The following PCDHGA1 variants were observed in gnomAD, a reference collection of about 807,000 sequenced individuals.
PCDHGA1 encodes protocadherin gamma subfamily A, 1.
In PCDHGA1, 32 loss-of-function variants were observed where a neutral mutation model predicts 58.0. The ratio of observed to expected loss-of-function variants is 0.55; its 90% CI spans 0.42 to 0.74. The LOEUF (loss-of-function observed/expected upper bound fraction) is 0.74. Ranked by LOEUF, PCDHGA1 falls within the 30% of genes least tolerant of loss-of-function variation. The pLI, the probability that PCDHGA1 is intolerant of heterozygous loss-of-function variation, is 0.00. For synonymous variants in PCDHGA1, 498 were observed against 501.1 expected, an observed-to-expected ratio of 0.99 and a Z score of 0.08; for missense variants, 1,205 against 1,182.3, an observed-to-expected ratio of 1.02 and a Z score of -0.28.
At chr5:141,348,033 C>T (rs1758053095) in intron 1 of PCDHGA1, among the ~76,000 whole-genome samples, 2 of 152,198 alleles carry the variant, frequency 1.3e-5, no homozygotes, top group Non-Finnish European at 2.9e-5. Flanking sequence ...TCTCTTCCAA[C>T]AATGGAATAG....
rs1243958567 is a variant in PCDHGA1, at chr5:141,418,557, T to C, written c.2422-76250T>C. 4.3e-6 allele frequency: 7 copies of C among 1,613,860 alleles called. No homozygotes were observed. The East Asian group carries it at 1.6e-4, about 36-fold the overall frequency. On this transcript the variant is annotated intron_variant, in intron 1 of 3. Coordinates refer to ENST00000517417, the MANE Select transcript of PCDHGA1 (RefSeq NM_018912.3). ...ACTGCTCAGATAAGAATCCTGGTAA[T>C]AGATGCCAATGACAACCCCCCAGTG... is the stretch of plus-strand genomic sequence containing the variant.
rs769671283 is a variant in PCDHGA1, at chr5:141,511,391, C to A, written c.*218C>A. 1 of 1,079,748 alleles carries A rather than the reference C, an allele frequency of 9.3e-7. No homozygotes were observed. The allele number at this position is 1,079,748 out of a possible 1,614,324, so 66.9% of individuals were successfully genotyped here. On this transcript the variant is annotated 3_prime_UTR_variant, in exon 4 of 4. Transcript: ENST00000517417. ...TGCAAAAGCAGTTCCGCTGGGAACC[C>A]CCATCCAATCAACTGCTGTACCCAT...
At chr5:141,384,434 G>A in intron 1 of PCDHGA1, 1 of 1,614,024 alleles carries the variant, frequency 6.2e-7, no homozygotes, top group Non-Finnish European at 8.5e-7. Flanking sequence ...TCTGACACTG[G>A]AGTCCTGTAC....
chr5:141,365,310 T>C (rs1471610081), intron 1 of PCDHGA1: 1 of 1,613,896 alleles, frequency 6.2e-7, no homozygotes, highest in Admixed American at 1.7e-5. Flanking sequence ...GGAGGCGCTC[T>C]TGTTGCCAGC....
intron 1 of PCDHGA1, chr5:141,341,036 C>G (rs1429228660): frequency 6.2e-7 from 1 of 1,614,020 alleles, no homozygotes; most frequent in Non-Finnish European, 8.5e-7. Flanking sequence ...CGATTCGGAC[C>G]TCACTCTGTA....
intron 1 of PCDHGA1, chr5:141,478,121 G>A (rs1393103666): frequency 1.2e-6 from 2 of 1,613,918 alleles, no homozygotes; most frequent in South Asian, 1.1e-5. Flanking sequence ...AGTAACCGAG[G>A]ACTCTCCTGA....
intron 1 of PCDHGA1, chr5:141,404,403 A>C (rs767148207): frequency 6.2e-7 from 1 of 1,613,896 alleles, no homozygotes; most frequent in Admixed American, 1.7e-5. Context: ...AGCAATGAGA[A>C]TTCTAGAGTT....
At position 141,333,050 on chromosome 5, in the gene PCDHGA1, G is replaced by T; in HGVS notation, c.2366G>T (p.Gly789Val). The T allele has an allele frequency of 5.0e-6, 8 of 1,614,104 alleles. No individual in the cohort carries two copies. The highest frequency in any genetic ancestry group is 1.1e-5 in the South Asian group (1 of 91,090). Residue 789 changes from glycine to valine, a missense_variant, in exon 1 of 4, where the codon GGT becomes GTT. Transcript: ENST00000517417. Reference protein sequence around the residue: ...LISQESCEKKGFLSAPQSLLE... With the variant: ...LISQESCEKKVFLSAPQSLLE... Reference sequence around the variant, plus strand: ...AGCCAGGAGAGCTGTGAGAAAAAGGGTTTTCTATCAGCACCCCAGTCTTTA... The same window carrying T: ...AGCCAGGAGAGCTGTGAGAAAAAGGTTTTTCTATCAGCACCCCAGTCTTTA...
chr5:141,361,403 C>G (rs376882541), intron 1 of PCDHGA1: 10 of 1,613,932 alleles, frequency 6.2e-6, no homozygotes, highest in Non-Finnish European at 7.6e-6. Context: ...CTCACCATCA[C>G]AGCCACCGAC....
At position 141,388,975 on chromosome 5, in the gene PCDHGA1, T is replaced by C. The variant is rs1293529479; in HGVS notation, c.2421+55870T>C. The C allele has an allele frequency of 6.8e-6, 11 of 1,613,888 alleles. No homozygotes were observed. The highest frequency in any genetic ancestry group is 8.5e-6 in the Non-Finnish European group (10 of 1,179,894). On this transcript the variant is annotated intron_variant, in intron 1 of 3. Transcript: ENST00000517417. ...GAGGACGCCGAGCTGGGAACACATATTGCTTTGCTCAAAGTCCGTGACAAG... is the reference window on the plus strand; with the variant it reads ...GAGGACGCCGAGCTGGGAACACATACTGCTTTGCTCAAAGTCCGTGACAAG...
chr5:141,502,866 CTT>C (rs549047197), intron 2 of PCDHGA1, among the ~76,000 whole-genome samples: 3 of 127,996 alleles, frequency 2.3e-5, no homozygotes, highest in Admixed American at 8.6e-5. Flanking sequence ...GACTCTCTGT[CTT>C]TTTTTTTTTT....
At chr5:141,343,673 C>T (rs554073712) in intron 1 of PCDHGA1, among the ~76,000 whole-genome samples, 33 of 152,222 alleles carry the variant, frequency 2.2e-4, no homozygotes, top group Non-Finnish European at 4.1e-4. Flanking sequence ...CAATTATGTT[C>T]AATCAACACT....
At chr5:141,366,013 G>T (rs1764261730) in intron 1 of PCDHGA1, 5 of 1,614,102 alleles carry the variant, frequency 3.1e-6, no homozygotes, top group Non-Finnish European at 4.2e-6. Flanking sequence ...ATACGCCTGA[G>T]ATCCTGTACC....
At chr5:141,375,666 T>C (rs1771733109) in intron 1 of PCDHGA1, 1 of 1,614,122 alleles carries the variant, frequency 6.2e-7, no homozygotes, top group African/African-American at 1.3e-5. Context: ...TTGAGAGACC[T>C]ACAGCTGTGG....
At chr5:141,507,852 T>C (rs556569001) in intron 3 of PCDHGA1, among the ~76,000 whole-genome samples, 25 of 152,118 alleles carry the variant, frequency 1.6e-4, no homozygotes, top group Non-Finnish European at 2.6e-4. Context: ...CTGCTCTCAC[T>C]TTCACACCCG....
chr5:141,441,623 C>T (rs530409184), intron 1 of PCDHGA1: 2 of 224,422 alleles, frequency 8.9e-6, no homozygotes, highest in Non-Finnish European at 1.8e-5. Flanking sequence ...TGGCCAGTGA[C>T]CTGGAGCCAC....
chr5:141,403,717 G>GC (rs1561689685), intron 1 of PCDHGA1: 2 of 1,613,936 alleles, frequency 1.2e-6, no homozygotes, highest in South Asian at 2.2e-5. Flanking sequence ...TTGAGAACGT[G>GC]CCCCCAGGCA....
In PCDHGA1 at chr5:141,419,316, G is replaced by A. The variant is rs775328616; in HGVS notation, c.2422-75491G>A. 1.1e-5 allele frequency: 18 copies of A among 1,613,994 alleles called. No individual in the cohort carries two copies. In the South Asian group the frequency reaches 1.8e-4, roughly 16 times the overall value. On this transcript the variant is annotated intron_variant, in intron 1 of 3. Coordinates refer to ENST00000517417, the MANE Select transcript of PCDHGA1 (RefSeq NM_018912.3). ...GACCCAGACTTCGGGCTCAACGGCC[G>A]TGTCTCCTACTCTCTCATTGCCAGC...
chr5:141,422,795 A>G lies in PCDHGA1; in HGVS notation c.2422-72012A>G, dbSNP rs543001807. ...CTCTATGCCCTACAATCCTTCGACTATGAGCAGTTTCGAGACTTAGAACTG... is the reference window on the plus strand; with the variant it reads ...CTCTATGCCCTACAATCCTTCGACTGTGAGCAGTTTCGAGACTTAGAACTG... On this transcript the variant is annotated intron_variant, in intron 1 of 3. Transcript: ENST00000517417. 14 of 1,614,198 alleles carry G rather than the reference A, an allele frequency of 8.7e-6. No homozygotes were observed. In the East Asian group the frequency reaches 1.8e-4, roughly 21 times the overall value.
Sources: gnomAD v4.1 joint callset for allele counts (sites outside exome capture counted in the v4.1 genomes callset) on GRCh38, gnomAD v4.1.1 for gene constraint, MANE v1.5 for transcripts, NCBI Gene and HGNC (gene_info 2026-07-23, HGNC 2026-07-21) for gene names.